Variants in NXPH1 observed in about 807,000 individuals in gnomAD.
NXPH1 encodes the protein neurexophilin 1, also known as neurexophilin-1.
NXPH1 carries 5 observed loss-of-function variants against 23.7 expected under a neutral mutation model. That is an observed-to-expected ratio of 0.21 (90% CI 0.11 to 0.44). The LOEUF (loss-of-function observed/expected upper bound fraction) is 0.44, where lower values mean the gene tolerates loss of function less well. Among genes scored for constraint, NXPH1 ranks in the 20% least tolerant of loss-of-function variants. The pLI is 0.99. For synonymous variants in NXPH1, 144 were observed against 122.2 expected (o/e 1.18, Z -1.18); for missense variants, 324 against 321.6 (o/e 1.01, Z -0.06).
At chr7:8,591,505 A>T (rs1004611957) in intron 2 of NXPH1, among the ~76,000 whole-genome samples, 3 of 151,974 alleles carry the variant, frequency 2.0e-5, no homozygotes, top group African/African-American at 7.2e-5. Flanking sequence ...TTGAAGTTTT[A>T]TCATGCTTTA....
At chr7:8,741,843 C>G (rs1235906280) in intron 2 of NXPH1, among the ~76,000 whole-genome samples, 1 of 152,044 alleles carries the variant, frequency 6.6e-6, no homozygotes, top group African/African-American at 2.4e-5. Context: ...ATGAACCATA[C>G]AGGTAATTTA....
chr7:8,456,305 G>C (rs1816592772), intron 2 of NXPH1, among the ~76,000 whole-genome samples: 1 of 152,150 alleles, frequency 6.6e-6, no homozygotes, highest in African/African-American at 2.4e-5. Context: ...TGATTACCTT[G>C]TTGATCACTG....
chr7:8,594,007 T>C (rs2189463), intron 2 of NXPH1, among the ~76,000 whole-genome samples: 8,120 of 151,424 alleles, frequency 0.054, 639 homozygotes, highest in African/African-American at 0.16. Context: ...AAAATTCTTG[T>C]GGGAGGTATG....
At chr7:8,603,679 C>G (rs1169458896) in intron 2 of NXPH1, among the ~76,000 whole-genome samples, 1 of 152,114 alleles carries the variant, frequency 6.6e-6, no homozygotes, top group Admixed American at 6.6e-5. Flanking sequence ...TGGTTGTTCT[C>G]TAAGTGACAT....
At chr7:8,727,540 T>A (rs1234754730) in intron 2 of NXPH1, among the ~76,000 whole-genome samples, 1 of 151,854 alleles carries the variant, frequency 6.6e-6, no homozygotes, top group Non-Finnish European at 1.5e-5. Context: ...GGATCCAGTT[T>A]CAGCTTTCTA....
intron 2 of NXPH1, among the ~76,000 whole-genome samples, chr7:8,673,723 A>G (rs1256933158): frequency 6.6e-6 from 1 of 152,164 alleles, no homozygotes; most frequent in African/African-American, 2.4e-5. Context: ...AGGGATTACA[A>G]CAGTCTTCGG....
intron 2 of NXPH1, among the ~76,000 whole-genome samples, chr7:8,493,671 G>A (rs181978174): frequency 2.0e-5 from 3 of 152,040 alleles, no homozygotes; most frequent in African/African-American, 7.2e-5. Context: ...GCTCACTGAA[G>A]TCAGGGACAT....
chr7:8,696,207 T>C (rs1159258539), intron 2 of NXPH1, among the ~76,000 whole-genome samples: 1 of 152,230 alleles, frequency 6.6e-6, no homozygotes, highest in Non-Finnish European at 1.5e-5. Flanking sequence ...ACACATAGTC[T>C]AGTTTGAAAA....
At chr7:8,465,244 A>G (rs1816765929) in intron 2 of NXPH1, among the ~76,000 whole-genome samples, 1 of 152,228 alleles carries the variant, frequency 6.6e-6, no homozygotes, top group African/African-American at 2.4e-5. Flanking sequence ...GGATTATTAT[A>G]GCATCTTTAC....
At chr7:8,538,071 A>G (rs563418387) in intron 2 of NXPH1, among the ~76,000 whole-genome samples, 1 of 152,070 alleles carries the variant, frequency 6.6e-6, no homozygotes, top group South Asian at 2.1e-4. Flanking sequence ...AAGTGTAATA[A>G]TAGTAATGAT....
intron 2 of NXPH1, among the ~76,000 whole-genome samples, chr7:8,733,646 T>C (rs948509105): frequency 1.3e-5 from 2 of 152,242 alleles, no homozygotes; most frequent in African/African-American, 4.8e-5. Context: ...TGAGCTTTTT[T>C]TTTAATATGT....
intron 2 of NXPH1, among the ~76,000 whole-genome samples, chr7:8,647,516 G>A (rs954552280): frequency 1.3e-5 from 2 of 152,020 alleles, no homozygotes; most frequent in Non-Finnish European, 2.9e-5. Flanking sequence ...TTTCATTTAT[G>A]AATGTTTAGG....
At chr7:8,529,369 C>A (rs1222626576) in intron 2 of NXPH1, among the ~76,000 whole-genome samples, 1 of 152,176 alleles carries the variant, frequency 6.6e-6, no homozygotes, top group African/African-American at 2.4e-5. Flanking sequence ...CAGCAGGAAG[C>A]ACAGTATAGG....
intron 2 of NXPH1, among the ~76,000 whole-genome samples, chr7:8,602,015 A>G (rs1819373678): frequency 6.6e-6 from 1 of 152,222 alleles, no homozygotes; most frequent in Non-Finnish European, 1.5e-5. Flanking sequence ...TATATATGTT[A>G]TAGTAATAAT....
chr7:8,683,385 A>G (rs533311463), intron 2 of NXPH1, among the ~76,000 whole-genome samples: 1 of 152,086 alleles, frequency 6.6e-6, no homozygotes, highest in East Asian at 1.9e-4. Flanking sequence ...ATTGCACAAC[A>G]CTCCTTAGTG....
rs150033684 is a variant in NXPH1 at position 8,746,020 on chromosome 7, G to T, written c.55-4988G>T. Among the ~76,000 whole-genome samples the T allele has an allele frequency of 2.8e-3, 431 of 152,242 alleles. 1 individual carries two copies. The highest frequency in any genetic ancestry group is 5.3e-3 in the Non-Finnish European group (360 of 68,026). On this transcript the variant is annotated intron_variant, in intron 2 of 2. Transcript: ENST00000405863. ...TGATTGCTGGAATGTTACACATAGT[G>T]CTGGTTGCATCACACTGTGATGGCT...
intron 2 of NXPH1, among the ~76,000 whole-genome samples, chr7:8,595,485 T>C (rs940248731): frequency 6.6e-6 from 1 of 151,914 alleles, no homozygotes; most frequent in African/African-American, 2.4e-5. Context: ...CATATATATA[T>C]AGTAATTTCA....
At chr7:8,709,769 A>T (rs1028760154) in intron 2 of NXPH1, among the ~76,000 whole-genome samples, 30 of 152,296 alleles carry the variant, frequency 2.0e-4, no homozygotes, top group African/African-American at 7.0e-4. Context: ...CTTTTTTAAA[A>T]CCAAAGTACA....
intron 2 of NXPH1, among the ~76,000 whole-genome samples, chr7:8,512,370 TAGTG>T (rs1201011197): frequency 6.6e-6 from 1 of 152,082 alleles, no homozygotes; most frequent in Non-Finnish European, 1.5e-5. Flanking sequence ...GCATGACAAA[TAGTG>T]AGAACACAGA....
Sources: allele counts gnomAD v4.1 joint callset (sites outside exome capture counted in the v4.1 genomes callset), GRCh38; gene constraint gnomAD v4.1.1; transcripts MANE v1.5; gene names NCBI Gene and HGNC (gene_info 2026-07-23, HGNC 2026-07-21).